CTSZ: variants seen among roughly 807,000 people sequenced by gnomAD.
CTSZ encodes cathepsin Z.
CTSZ carries 39 observed loss-of-function variants against 32.4 expected under a neutral mutation model. That is an observed-to-expected ratio of 1.20 (90% CI 0.93 to 1.57). The LOEUF is 1.57. CTSZ is among the 40% of genes most tolerant of loss of function. The pLI is 0.00. For synonymous variants in CTSZ, 168 were observed against 170.1 expected (o/e 0.99, Z 0.10); for missense variants, 397 against 419.6 (o/e 0.95, Z 0.47).
chr20:58,996,788 C>G lies in CTSZ; in HGVS notation c.652G>C (p.Ala218Pro). 6.2e-7 allele frequency: 1 copy of G among 1,614,072 alleles called. No homozygotes were observed. The highest frequency in any genetic ancestry group is 1.3e-5 in the African/African-American group (1 of 75,026). Residue 218 changes from alanine (A) to proline (P), a missense_variant, in exon 5 of 6, where the codon GCA becomes CCA. Ala to Pro is a conservative substitution (Grantham distance 27). Transcript: ENST00000217131. ...GTGTAGTTAGCCAGTCTTTCTGTTG[C>G]CATTATTCCACAGCTGAGAGCAAGC... is the stretch of plus-strand genomic sequence containing the variant. ...ANGPISCGIM[A>P]TERLANYTGG...
At chr20:59,006,577 C>A in intron 1 of CTSZ, 92 bp from the exon 2 acceptor site, 1 of 1,372,338 alleles carries the variant, frequency 7.3e-7, no homozygotes, top group Non-Finnish European at 1.0e-6. Context: ...CCGCCTTTCC[C>A]AACACCTGAG....
intron 2 of CTSZ, among the ~76,000 whole-genome samples, chr20:59,005,873 C>A (rs571200585): frequency 6.6e-6 from 1 of 152,336 alleles, no homozygotes; most frequent in African/African-American, 2.4e-5. Context: ...TAGAAACCCA[C>A]CAGGCTGGAG....
rs2091855889 is a variant in CTSZ, at chr20:58,995,771, G to A, written c.802-12C>T. On this transcript the variant is annotated splice_polypyrimidine_tract_variant and intron_variant, in intron 5 of 5. Coordinates refer to ENST00000217131, the MANE Select transcript of CTSZ (RefSeq NM_001336.4). ...CAGCCTCTCTCGCCCTGTGAGAAGT[G>A]GGATCGCGCGTCAGCCCATCTGCAG... 6.2e-7 allele frequency: 1 copy of A among 1,611,772 alleles called. No homozygotes were observed. Among genetic ancestry groups the A allele is most frequent in the African/African-American group, 1.3e-5 (1 of 74,864 alleles).
Position 59,002,207 on chromosome 20 carries a change from C to G in CTSZ, c.308-563G>C, listed in dbSNP as rs1032542698. Among the ~76,000 whole-genome samples the G allele has an allele frequency of 1.3e-5, 2 of 152,216 alleles. No homozygotes were observed. The highest frequency in any genetic ancestry group is 2.4e-5 in the African/African-American group (1 of 41,450). On this transcript the variant is annotated intron_variant, in intron 2 of 5. Coordinates refer to ENST00000217131, the MANE Select transcript of CTSZ (RefSeq NM_001336.4). This position sits in a 1 kb window ranked among gnomAD's most constrained non-coding sequence, Gnocchi z 4.1. Reference sequence around the variant, plus strand: ...ACTGGGGGATGCAGAGGGCTCCCAGCGGCTGGCTGACCATGCCCTCACTGC... The same window carrying G: ...ACTGGGGGATGCAGAGGGCTCCCAGGGGCTGGCTGACCATGCCCTCACTGC...
At chr20:59,001,238 C>T (rs1373934500) in intron 3 of CTSZ, among the ~76,000 whole-genome samples, 1 of 152,230 alleles carries the variant, frequency 6.6e-6, no homozygotes, top group Non-Finnish European at 1.5e-5. Flanking sequence ...TGCAAGATAG[C>T]AGAGGGGGCT....
At position 59,002,107 on chromosome 20, in the gene CTSZ, C is replaced by T. The variant is rs1252506360; in HGVS notation, c.308-463G>A. On this transcript the variant is annotated intron_variant, in intron 2 of 5. Transcript: ENST00000217131. This position sits in a 1 kb window ranked among gnomAD's most constrained non-coding sequence, Gnocchi z 4.1. Reference sequence around the variant, plus strand: ...TGTGAACGAGTATAGCCCAGGGAGCCGCATGAGCCCCAGTGAGGGGCCAGA... The same window carrying T: ...TGTGAACGAGTATAGCCCAGGGAGCTGCATGAGCCCCAGTGAGGGGCCAGA... Among the ~76,000 whole-genome samples, 3 of 152,224 alleles carry T rather than the reference C, an allele frequency of 2.0e-5. No homozygotes were observed. The highest frequency in any genetic ancestry group is 2.1e-4 in the South Asian group (1 of 4,824).
chr20:58,997,196 A>G (rs1313532603), intron 4 of CTSZ, among the ~76,000 whole-genome samples: 1 of 151,778 alleles, frequency 6.6e-6, no homozygotes, highest in African/African-American at 2.4e-5. Context: ...CTGGTATGAC[A>G]ACAAAGTGTA....
Position 58,998,546 on chromosome 20 carries a change from C to CAA in CTSZ, c.488-795_488-794dup, listed in dbSNP as rs148092871. ...GAGCGACAAGAGCGAGACTCCGTCT[C>CAA]AAAAAAAAAGAAAGAAAGAAAGAAA... On this transcript the variant is annotated intron_variant, in intron 3 of 5. Transcript: ENST00000217131. Among the ~76,000 whole-genome samples, 94 of 129,096 alleles carry CAA rather than the reference C, an allele frequency of 7.3e-4. 1 individual carries two copies. Among genetic ancestry groups the CAA allele is most frequent in the Middle Eastern group, 7.9e-3 (2 of 254 alleles). The allele number at this position is 129,096 out of a possible 152,430, so 84.7% of individuals were successfully genotyped here.
rs2091894219 is a variant in CTSZ, at chr20:59,002,637, C to G, written c.308-993G>C. Among the ~76,000 whole-genome samples the G allele has an allele frequency of 1.3e-5, 2 of 152,150 alleles. No individual in the cohort carries two copies. Among genetic ancestry groups the G allele is most frequent in the Admixed American group, 6.5e-5 (1 of 15,286 alleles). ...ACCTGGCCTCCTCCCGGTCGCCCAG[C>G]CAGGGGCCTTCTGGAACTGTCCCTG... On this transcript the variant is annotated intron_variant, in intron 2 of 5. Transcript: ENST00000217131. The surrounding 1 kb of genome is among the most constrained non-coding windows in gnomAD (Gnocchi z 4.1).
chr20:59,003,924 T>C (rs2091899321), intron 2 of CTSZ, among the ~76,000 whole-genome samples: 1 of 152,206 alleles, frequency 6.6e-6, no homozygotes, highest in African/African-American at 2.4e-5. Context: ...AGGCTCACTG[T>C]GGCCTCAGGG....
At position 58,995,881 on chromosome 20, in the gene CTSZ, A is replaced by G. The variant is rs1050223948; in HGVS notation, c.802-122T>C. On this transcript the variant is annotated intron_variant, in intron 5 of 5. Transcript: ENST00000217131. ...CTCAGGCCAGCCTTGGGGGATCCAG[A>G]CAGCCCACTCAGCTGCCCCTCAGCT... 3 of 759,888 alleles carry G rather than the reference A, an allele frequency of 3.9e-6. No individual in the cohort carries two copies. In the African/African-American group the frequency reaches 5.2e-5, roughly 13 times the overall value. 47.1% of individuals were successfully genotyped at this position (759,888 alleles called of 1,614,324 possible).
chr20:58,996,584 G>A (rs1569062042), intron 5 of CTSZ, 55 bp downstream of exon 5: 1 of 1,563,726 alleles, frequency 6.4e-7, no homozygotes, highest in Admixed American at 1.7e-5. Flanking sequence ...CAAGCGAGAG[G>A]AGTACCAGGA....
At chr20:59,001,391 C>G in intron 3 of CTSZ, 74 bp downstream of exon 3, 1 of 1,484,228 alleles carries the variant, frequency 6.7e-7, no homozygotes, top group South Asian at 1.3e-5. Context: ...CAGGCTGGGT[C>G]CTCAGCCACG....
At position 58,997,698 on chromosome 20, in the gene CTSZ, G is replaced by A. The variant is rs1380221848; in HGVS notation, c.543C>T (p.Ala181=). ...CCCTCCAGAGGGTGTAGTTCCGGAT[G>A]GCGTGGCACTCTTTGAATTCATTGC... is the stretch of plus-strand genomic sequence containing the variant. ...GTCNEFKECH[A]IRNYTLWRVG... is the part of the protein sequence containing the mutation. The change falls in exon 4 of 6, where the codon GCC becomes GCT. Residue 181 remains alanine, a synonymous_variant. Coordinates refer to ENST00000217131, the MANE Select transcript of CTSZ (RefSeq NM_001336.4). The A allele has an allele frequency of 2.5e-6, 4 of 1,610,112 alleles. No individual in the cohort carries two copies. The African/African-American group carries it at 5.3e-5, about 22-fold the overall frequency.
chr20:59,001,323 T>C (rs1357088778), intron 3 of CTSZ, 142 bp downstream of exon 3: 2 of 964,492 alleles, frequency 2.1e-6, no homozygotes, highest in Non-Finnish European at 3.0e-6. Flanking sequence ...CCCTGGGGGC[T>C]GCAACCTCTG....
rs1048289230 is a variant in CTSZ at position 59,002,795 on chromosome 20, G to A, written c.308-1151C>T. Reference sequence around the variant, plus strand: ...GTGGCTGGTTTGTCCCCTCCCACCTGACCGACCCACCCTAGGTTCCATCCT... The same window carrying A: ...GTGGCTGGTTTGTCCCCTCCCACCTAACCGACCCACCCTAGGTTCCATCCT... On this transcript the variant is annotated intron_variant, in intron 2 of 5. Transcript: ENST00000217131. The surrounding 1 kb of genome is among the most constrained non-coding windows in gnomAD (Gnocchi z 4.1). Among the ~76,000 whole-genome samples the A allele has an allele frequency of 6.6e-6, 1 of 151,954 alleles. No homozygotes were observed. The highest frequency in any genetic ancestry group is 2.4e-5 in the African/African-American group (1 of 41,332).
intron 1 of CTSZ, 43 bp downstream of exon 1, chr20:59,006,943 G>C: frequency 7.3e-7 from 1 of 1,361,810 alleles, no homozygotes; most frequent in Non-Finnish European, 9.4e-7. Flanking sequence ...CCCGGGCGAT[G>C]GGCCTCCCGT....
intron 2 of CTSZ, among the ~76,000 whole-genome samples, chr20:59,003,073 C>G (rs193007521): frequency 6.6e-6 from 1 of 152,190 alleles, no homozygotes; most frequent in Non-Finnish European, 1.5e-5. Context: ...CACTGTCATC[C>G]GAGCTGACCA....
chr20:58,996,389 G>C (rs938457486), intron 5 of CTSZ, among the ~76,000 whole-genome samples: 1 of 152,198 alleles, frequency 6.6e-6, no homozygotes, highest in Non-Finnish European at 1.5e-5. Flanking sequence ...GGATTGCGGG[G>C]AGTCACCTAG....
Sources: gnomAD v4.1 joint callset for allele counts (sites outside exome capture counted in the v4.1 genomes callset) on GRCh38, gnomAD v4.1.1 for gene constraint, Gnocchi (gnomAD v3.1) non-coding constraint, MANE v1.5 for transcripts, NCBI Gene and HGNC (gene_info 2026-07-23, HGNC 2026-07-21) for gene names.